RHBDD1: variants seen among roughly 807,000 people sequenced by gnomAD.
The protein encoded by RHBDD1 is rhomboid-related protein 4.
In RHBDD1, 38 loss-of-function variants were observed where a neutral mutation model predicts 36.3. That is an observed-to-expected ratio of 1.05 (90% CI 0.81 to 1.37). RHBDD1 has a LOEUF of 1.37. Among genes scored for constraint, RHBDD1 ranks in the 40% most tolerant of loss-of-function variants. RHBDD1 has a pLI of 0.00. For synonymous variants in RHBDD1, 151 were observed against 136.5 expected (o/e 1.11, Z -0.74); for missense variants, 393 against 377.6 (o/e 1.04, Z -0.34).
At chr2:226,834,456 G>A (rs527682884), upstream of RHBDD1, among the ~76,000 whole-genome samples, 6 of 152,302 alleles carry the variant, frequency 3.9e-5, no homozygotes, top group South Asian at 1.0e-3. Flanking sequence ...GGTAACTTAT[G>A]AGTCTTAATG....
At chr2:226,971,186 G>A (rs1191029434) in intron 8 of RHBDD1, among the ~76,000 whole-genome samples, 2 of 152,158 alleles carry the variant, frequency 1.3e-5, no homozygotes, top group Middle Eastern at 3.2e-3. Context: ...GGCTGAAGCC[G>A]CCTCTTGCTC....
intron 8 of RHBDD1, among the ~76,000 whole-genome samples, chr2:226,936,868 A>G (rs982182001): frequency 1.3e-5 from 2 of 152,140 alleles, no homozygotes; most frequent in Non-Finnish European, 2.9e-5. Context: ...AGCGATTTAA[A>G]TGACCTATTT....
intron 4 of RHBDD1, 133 bp downstream of exon 4, chr2:226,865,259 A>G: frequency 1.4e-6 from 1 of 710,058 alleles, no homozygotes; most frequent in Non-Finnish European, 2.4e-6. Flanking sequence ...CGTCTTGAAG[A>G]GGAGGCTGGA....
chr2:226,994,009 T>A (rs55947138), intron 8 of RHBDD1, among the ~76,000 whole-genome samples: 1 of 152,100 alleles, frequency 6.6e-6, no homozygotes, highest in Non-Finnish European at 1.5e-5. Context: ...CCAGCCAGGC[T>A]AGTGCTGCCA....
chr2:226,854,489 G>T (rs1028372399), intron 3 of RHBDD1, among the ~76,000 whole-genome samples: 2 of 151,650 alleles, frequency 1.3e-5, no homozygotes, highest in Non-Finnish European at 2.9e-5. Flanking sequence ...AGCTACTCAG[G>T]AGGTTGAGGC....
the RHBDD1 span, among the ~76,000 whole-genome samples, chr2:226,801,221 G>A: frequency 1.3e-5 from 2 of 152,226 alleles, no homozygotes; most frequent in Non-Finnish European, 2.9e-5. Flanking sequence ...GGCCGCGGGG[G>A]AGCGCGCCTC....
At chr2:226,960,319 A>G (rs747361796) in intron 8 of RHBDD1, among the ~76,000 whole-genome samples, 1 of 152,198 alleles carries the variant, frequency 6.6e-6, no homozygotes, top group Non-Finnish European at 1.5e-5. Flanking sequence ...TTCCCTAATG[A>G]ATAATTATGT....
intron 5 of RHBDD1, among the ~76,000 whole-genome samples, chr2:226,883,152 T>C (rs1394059963): frequency 1.3e-5 from 2 of 152,262 alleles, no homozygotes; most frequent in South Asian, 2.1e-4. Flanking sequence ...TAATGAGTTA[T>C]AAAATCATTC....
rs534022919 is a variant in RHBDD1, at chr2:226,937,291, A to G, written c.856+22940A>G. ...GAGGGTGTGAACAAGTTTTTATACT[A>G]TGTATCTGTACTAAAAAATAAAATA... On this transcript the variant is annotated intron_variant, in intron 8 of 8. Transcript: ENST00000392062. Among the ~76,000 whole-genome samples, 5 of 152,264 alleles carry G rather than the reference A, an allele frequency of 3.3e-5. No homozygotes were observed. In the South Asian group the frequency reaches 1.0e-3, roughly 31 times the overall value.
chr2:226,982,526 T>C (rs1956009179), intron 8 of RHBDD1, among the ~76,000 whole-genome samples: 1 of 152,244 alleles, frequency 6.6e-6, no homozygotes, highest in South Asian at 2.1e-4. Flanking sequence ...ACATCTCATA[T>C]CTCAGCCTGT....
rs1273097299 is a variant in RHBDD1, at chr2:226,838,470, CA to C, written c.-310+319del. Among the ~76,000 whole-genome samples the C allele has an allele frequency of 3.3e-5, 5 of 152,150 alleles. No homozygotes were observed. In the East Asian group the frequency reaches 9.6e-4, roughly 29 times the overall value. ...CTACTTAGTGATTGTGTACATTAGACAAATTAACATCCTCCCCACTTGAATT... is the reference window on the plus strand; with the variant it reads ...CTACTTAGTGATTGTGTACATTAGACAATTAACATCCTCCCCACTTGAATT... On this transcript the variant is annotated intron_variant, in intron 2 of 8. Transcript: ENST00000392062.
chr2:226,954,456 C>T (rs1277632052), intron 8 of RHBDD1, among the ~76,000 whole-genome samples: 2 of 152,062 alleles, frequency 1.3e-5, no homozygotes, highest in African/African-American at 4.8e-5. Context: ...TTTTAGCTTT[C>T]CCATGATACA....
chr2:226,906,636 C>T (rs967584520), intron 5 of RHBDD1, 157 bp from the exon 6 acceptor site: 1 of 1,465,308 alleles, frequency 6.8e-7, no homozygotes. Context: ...AGATGTTGTT[C>T]TTTGGACTGA....
intron 8 of RHBDD1, among the ~76,000 whole-genome samples, chr2:226,963,101 G>T (rs563796516): frequency 6.6e-6 from 1 of 152,176 alleles, no homozygotes; most frequent in Admixed American, 6.5e-5. Flanking sequence ...ACCCCCAAAA[G>T]TGTCCCCAGA....
At chr2:226,806,826 A>T in the RHBDD1 span, among the ~76,000 whole-genome samples, 1 of 152,228 alleles carries the variant, frequency 6.6e-6, no homozygotes. Flanking sequence ...CAGTCTGAAA[A>T]CACCAACTTT....
intron 8 of RHBDD1, among the ~76,000 whole-genome samples, chr2:226,939,847 C>T (rs1950557136): frequency 6.6e-6 from 1 of 152,164 alleles, no homozygotes; most frequent in African/African-American, 2.4e-5. Flanking sequence ...GGTGGCATCA[C>T]ACTACCCAAC....
At chr2:226,843,875 T>G (rs769455725) in intron 3 of RHBDD1, among the ~76,000 whole-genome samples, 1 of 152,192 alleles carries the variant, frequency 6.6e-6, no homozygotes, top group Non-Finnish European at 1.5e-5. Context: ...CCCTGGTAGA[T>G]AGAATTCAGC....
chr2:226,809,005 G>A, the RHBDD1 span, among the ~76,000 whole-genome samples: 8 of 152,324 alleles, frequency 5.3e-5, no homozygotes, highest in East Asian at 1.2e-3. Context: ...TTGATCCTCC[G>A]AGTGGAGATA....
intron 8 of RHBDD1, among the ~76,000 whole-genome samples, chr2:226,970,748 G>A (rs2149332773): frequency 6.6e-6 from 1 of 152,264 alleles, no homozygotes; most frequent in Middle Eastern, 3.4e-3. Flanking sequence ...GAGGACCATT[G>A]TTTTTGTTTG....
Sources: allele counts gnomAD v4.1 joint callset (sites outside exome capture counted in the v4.1 genomes callset), GRCh38; gene constraint gnomAD v4.1.1; transcripts MANE v1.5; gene names NCBI Gene and HGNC (gene_info 2026-07-23, HGNC 2026-07-21).